Variants in PIEZO2 observed in about 807,000 individuals in gnomAD.
PIEZO2 encodes the protein piezo type mechanosensitive ion channel component 2.
Under a neutral mutation model 337.3 loss-of-function variants are expected in PIEZO2, and 172 were observed. That is an observed-to-expected ratio of 0.51 (90% CI 0.45 to 0.58). The LOEUF is 0.58. Among genes scored for constraint, PIEZO2 ranks in the 20% least tolerant of loss-of-function variants. PIEZO2 has a pLI of 0.00. For synonymous variants in PIEZO2, 1,251 were observed against 1,228.5 expected (o/e 1.02, Z -0.38); for missense variants, 3,028 against 3,391.3 (o/e 0.89, Z 2.66).
intron 12 of PIEZO2, 145 bp downstream of exon 12, chr18:10,797,229 T>G: frequency 1.6e-6 from 1 of 622,810 alleles, no homozygotes; most frequent in Non-Finnish European, 2.7e-6. Flanking sequence ...CCATCATATA[T>G]GTACTATCAT....
intron 7 of PIEZO2, among the ~76,000 whole-genome samples, chr18:10,835,662 A>G (rs2040986688): frequency 6.6e-6 from 1 of 151,688 alleles, no homozygotes; most frequent in Non-Finnish European, 1.5e-5. Flanking sequence ...TCCTGCCTCA[A>G]CCTCCCAGGT....
At chr18:10,990,990 T>G (rs150624624) in intron 2 of PIEZO2, among the ~76,000 whole-genome samples, 46 of 150,190 alleles carry the variant, frequency 3.1e-4, no homozygotes, top group African/African-American at 1.1e-3. Context: ...AGTATATTTA[T>G]CTGGTTTGGT....
At chr18:11,139,845 C>G (rs568230196) in intron 1 of PIEZO2, among the ~76,000 whole-genome samples, 43 of 152,210 alleles carry the variant, frequency 2.8e-4, no homozygotes, top group Non-Finnish European at 5.9e-4. Flanking sequence ...TTCACTTGAT[C>G]TAGAACTCTT....
chr18:11,093,784 A>G (rs1255488086), intron 1 of PIEZO2, among the ~76,000 whole-genome samples: 1 of 152,136 alleles, frequency 6.6e-6, no homozygotes, highest in East Asian at 1.9e-4. Context: ...TAAAAGTTTC[A>G]AATTGTTAGC....
chr18:10,820,474 T>C (rs2040490012), intron 7 of PIEZO2, among the ~76,000 whole-genome samples: 1 of 152,134 alleles, frequency 6.6e-6, no homozygotes, highest in African/African-American at 2.4e-5. Flanking sequence ...CAGTAGATTA[T>C]TATAGCTATG....
chr18:10,772,255 G>T (rs1426290965), intron 20 of PIEZO2, among the ~76,000 whole-genome samples: 2 of 152,180 alleles, frequency 1.3e-5, no homozygotes, highest in African/African-American at 4.8e-5. Flanking sequence ...TGTATTTAGA[G>T]AGTGACTCAG....
In PIEZO2 at chr18:10,680,206, T is replaced by C; in HGVS notation, c.7945A>G (p.Ile2649Val). ...TGGAAATACAGTAACTACCTCTGAA[T>C]ACTCCATGAAAAAACAACAGAGAAG... The part of the protein sequence containing the change: ...SSFSVVFSWS[I>V]QRNLSLGAKS... Residue 2649 changes from isoleucine to valine, a missense_variant, in exon 52 of 56, where the codon ATT (isoleucine) becomes GTT (valine). Around this residue, in one of 5 missense-constraint regions of PIEZO2, gnomAD observed 332 missense variants for 363.8 expected, o/e 0.91. Coordinates refer to ENST00000674853, the MANE Select transcript of PIEZO2 (RefSeq NM_001378183.1). The C allele has an allele frequency of 1.2e-6, 2 of 1,611,560 alleles. No homozygotes were observed. Among genetic ancestry groups the C allele is most frequent in the Non-Finnish European group, 8.5e-7 (1 of 1,178,062 alleles).
chr18:10,797,661 C>T (rs1005104937), intron 11 of PIEZO2, 139 bp from the exon 12 acceptor site: 3 of 1,363,950 alleles, frequency 2.2e-6, no homozygotes, highest in African/African-American at 2.9e-5. Flanking sequence ...ATTCATAAAG[C>T]CCTTAAAATT....
chr18:10,679,327 C>T (rs577998977), intron 52 of PIEZO2, among the ~76,000 whole-genome samples: 2 of 152,282 alleles, frequency 1.3e-5, no homozygotes, highest in South Asian at 4.2e-4. Flanking sequence ...ATCACCTTGC[C>T]TCTCTTCTCT....
intron 2 of PIEZO2, among the ~76,000 whole-genome samples, chr18:11,040,326 G>C (rs2037075858): frequency 6.6e-6 from 1 of 152,094 alleles, no homozygotes; most frequent in African/African-American, 2.4e-5. Flanking sequence ...CTTGAGTTTA[G>C]AGACATTATT....
At chr18:10,865,952 C>T (rs2041995001) in intron 5 of PIEZO2, among the ~76,000 whole-genome samples, 1 of 152,044 alleles carries the variant, frequency 6.6e-6, no homozygotes, top group Admixed American at 6.5e-5. Flanking sequence ...CATGAAATCA[C>T]CTATCAAATG....
At chr18:10,709,533 ACT>A (rs1222579307) in intron 39 of PIEZO2, 1 of 152,248 alleles carries the variant, frequency 6.6e-6, no homozygotes, top group African/African-American at 2.4e-5. Flanking sequence ...GGTAGGCTGA[ACT>A]CTGTCATCAA....
At chr18:10,928,366 T>G (rs2031880016) in intron 3 of PIEZO2, among the ~76,000 whole-genome samples, 1 of 152,166 alleles carries the variant, frequency 6.6e-6, no homozygotes, top group Non-Finnish European at 1.5e-5. Context: ...GGCTGTTGGA[T>G]ACTCACTGCT....
At chr18:10,800,544 A>G in intron 10 of PIEZO2, 69 bp from the exon 11 acceptor site, 1 of 1,445,620 alleles carries the variant, frequency 6.9e-7, no homozygotes, top group Non-Finnish European at 9.1e-7. Context: ...ACATACCCCC[A>G]CTTCCCTTCC....
chr18:11,145,354 G>GA (rs754332462), intron 1 of PIEZO2, among the ~76,000 whole-genome samples: 35 of 116,556 alleles, frequency 3.0e-4, no homozygotes, highest in Admixed American at 1.9e-3. Flanking sequence ...ATCTTATACG[G>GA]AAAAAGAAAA....
At chr18:10,782,211 TTA>T (rs1027276989) in intron 17 of PIEZO2, among the ~76,000 whole-genome samples, 2 of 134,072 alleles carry the variant, frequency 1.5e-5, no homozygotes, top group South Asian at 2.1e-4. Flanking sequence ...TATCATATAA[TTA>T]TATATATCAT....
At chr18:11,089,431 G>C (rs1012585877) in intron 1 of PIEZO2, among the ~76,000 whole-genome samples, 3 of 152,170 alleles carry the variant, frequency 2.0e-5, no homozygotes, top group Admixed American at 6.5e-5. Context: ...TTCACTAAAA[G>C]ATAAGCAACC....
chr18:10,977,440 A>T (rs908885425), intron 3 of PIEZO2, among the ~76,000 whole-genome samples: 1 of 152,120 alleles, frequency 6.6e-6, no homozygotes, highest in African/African-American at 2.4e-5. Flanking sequence ...TAGTTATAAG[A>T]TTCTTCCTTA....
chr18:10,838,163 C>T (rs1024462324), intron 7 of PIEZO2, among the ~76,000 whole-genome samples: 5 of 152,118 alleles, frequency 3.3e-5, no homozygotes, highest in African/African-American at 1.2e-4. Flanking sequence ...TGTGGCATCC[C>T]ATCCTATAAT....
Sources: gnomAD v4.1 joint callset for allele counts (sites outside exome capture counted in the v4.1 genomes callset) on GRCh38, gnomAD v4.1.1 for gene constraint, gnomAD v4.1.1 regional missense constraint, MANE v1.5 for transcripts, NCBI Gene and HGNC (gene_info 2026-07-23, HGNC 2026-07-21) for gene names.